Variants in FAM240B observed in about 807,000 individuals in gnomAD.
FAM240B encodes family with sequence similarity 240 member B, also known as protein FAM240B.
intron 1 of FAM240B, among the ~76,000 whole-genome samples, chr9:38,717,948 C>T (rs1034343187): frequency 1.3e-5 from 2 of 152,154 alleles, no homozygotes; most frequent in Non-Finnish European, 2.9e-5. Context: ...GCAACACTTC[C>T]CAAAGACACC....
intron 1 of FAM240B, among the ~76,000 whole-genome samples, chr9:38,709,835 ATTGATTTTTGT>A (rs1821231613): frequency 6.6e-6 from 1 of 152,202 alleles, no homozygotes. Flanking sequence ...TTGTTGTGCA[ATTGATTTTTGT>A]TTATAAACTC....
intron 1 of FAM240B, among the ~76,000 whole-genome samples, chr9:38,710,176 A>G (rs1453498583): frequency 2.6e-5 from 4 of 152,064 alleles, no homozygotes; most frequent in Non-Finnish European, 4.4e-5. Context: ...CACCACTTTG[A>G]CCAGGATGGT....
chr9:38,699,560 G>T lies in FAM240B; in HGVS notation c.143+4297C>A, dbSNP rs573722005. Among the ~76,000 whole-genome samples the T allele has an allele frequency of 3.9e-5, 6 of 152,344 alleles. No homozygotes were observed. In the South Asian group the frequency reaches 1.2e-3, roughly 32 times the overall value. On this transcript the variant is annotated intron_variant, in intron 2 of 2. Transcript: ENST00000637493. ...TGAGCTGGGCTGGTGGGGAGTCCCTGAGCAAATGCTGCCCACAGGGGAGCC... is the reference window on the plus strand; with the variant it reads ...TGAGCTGGGCTGGTGGGGAGTCCCTTAGCAAATGCTGCCCACAGGGGAGCC...
At chr9:38,706,806 A>C (rs1387098166) in intron 1 of FAM240B, among the ~76,000 whole-genome samples, 3 of 152,254 alleles carry the variant, frequency 2.0e-5, no homozygotes, top group Admixed American at 6.5e-5. Flanking sequence ...ATAATCATTC[A>C]GTGCACAGAA....
chr9:38,705,676 A>G (rs1821183149), intron 1 of FAM240B: 1 of 151,856 alleles, frequency 6.6e-6, no homozygotes, highest in East Asian at 1.9e-4. Context: ...TTTTATTTGT[A>G]TTACACTTAT....
chr9:38,700,578 T>C (rs1821114217), intron 2 of FAM240B, among the ~76,000 whole-genome samples: 1 of 152,212 alleles, frequency 6.6e-6, no homozygotes, highest in East Asian at 1.9e-4. Context: ...TAGTCAATGA[T>C]TATACCAAAC....
At chr9:38,705,057 C>T (rs549598771) in intron 1 of FAM240B, among the ~76,000 whole-genome samples, 1 of 152,352 alleles carries the variant, frequency 6.6e-6, no homozygotes, top group Admixed American at 6.5e-5. Context: ...TTTACCTTAA[C>T]GTGGCTCACT....
chr9:38,716,277 G>A (rs906109662), intron 1 of FAM240B, among the ~76,000 whole-genome samples: 8 of 152,122 alleles, frequency 5.3e-5, no homozygotes, highest in African/African-American at 1.9e-4. Context: ...TTCGAGACCA[G>A]CCTGGCCAAC....
At chr9:38,710,203 C>T (rs1365450279) in intron 1 of FAM240B, among the ~76,000 whole-genome samples, 9 of 152,164 alleles carry the variant, frequency 5.9e-5, no homozygotes, top group African/African-American at 1.2e-4. Flanking sequence ...CTCTTGACCT[C>T]GTGATCCGCC....
intron 1 of FAM240B, among the ~76,000 whole-genome samples, chr9:38,704,453 C>A (rs1177488652): frequency 2.0e-5 from 3 of 152,050 alleles, no homozygotes; most frequent in Non-Finnish European, 2.9e-5. Flanking sequence ...TTAAAATTTT[C>A]TTTTGACTCA....
At chr9:38,716,965 G>A (rs901114394) in intron 1 of FAM240B, among the ~76,000 whole-genome samples, 7 of 152,198 alleles carry the variant, frequency 4.6e-5, no homozygotes, top group African/African-American at 1.4e-4. Context: ...CACACTGTGT[G>A]CTTTCCATCA....
chr9:38,715,494 T>C (rs1024395313), intron 1 of FAM240B, among the ~76,000 whole-genome samples: 1 of 152,206 alleles, frequency 6.6e-6, no homozygotes, highest in Non-Finnish European at 1.5e-5. Context: ...CTGGTGTGTT[T>C]AGAAGGCTCT....
chr9:38,715,250 AC>A (rs949336348), intron 1 of FAM240B, among the ~76,000 whole-genome samples: 4 of 151,376 alleles, frequency 2.6e-5, no homozygotes, highest in South Asian at 4.2e-4. Context: ...GAGTTAGGAG[AC>A]CCCCCCACAC....
chr9:38,710,856 T>C (rs1722924536), intron 1 of FAM240B, among the ~76,000 whole-genome samples: 1 of 152,166 alleles, frequency 6.6e-6, no homozygotes, highest in African/African-American at 2.4e-5. Context: ...CGTCTTCTTA[T>C]CCTCATTTTA....
intron 1 of FAM240B, chr9:38,705,513 T>C (rs10758519): frequency 0.71 from 105,957 of 148,492 alleles, 37,697 homozygotes; most frequent in South Asian, 0.81. Context: ...GGCGTGAACC[T>C]GGGAGGCGGA....
intron 2 of FAM240B, among the ~76,000 whole-genome samples, chr9:38,701,156 C>T (rs929112068): frequency 1.3e-5 from 2 of 151,674 alleles, no homozygotes; most frequent in African/African-American, 4.8e-5. Flanking sequence ...CTGTGTGTTA[C>T]GTGTGTGTGT....
Position 38,713,497 on chromosome 9 carries a change from A to AAAG in FAM240B, c.-4+6524_-4+6525insCTT, listed in dbSNP as rs1409300886. Among the ~76,000 whole-genome samples, 5 of 150,992 alleles carry AAAG rather than the reference A, an allele frequency of 3.3e-5. No homozygotes were observed. The East Asian group carries it at 9.7e-4, about 29-fold the overall frequency. On this transcript the variant is annotated intron_variant, in intron 1 of 2. Transcript: ENST00000637493. ...CGTTTCAAACAAAAAAAAAAAAAAA[A>AAAG]AAAAAAAAGAACTAGATTTCATCAT...
At chr9:38,717,663 T>C (rs1587595616) in intron 1 of FAM240B, among the ~76,000 whole-genome samples, 1 of 151,682 alleles carries the variant, frequency 6.6e-6, no homozygotes, top group African/African-American at 2.4e-5. Flanking sequence ...TTGTATTTTT[T>C]AGTAGAGACG....
chr9:38,709,452 C>T (rs1156356565), intron 1 of FAM240B, among the ~76,000 whole-genome samples: 2 of 152,156 alleles, frequency 1.3e-5, no homozygotes, highest in Non-Finnish European at 2.9e-5. Flanking sequence ...ATTTCCCTGG[C>T]GGTATTGATG....
Sources: gnomAD v4.1 joint callset for allele counts (sites outside exome capture counted in the v4.1 genomes callset) on GRCh38, gnomAD v4.1.1 for gene constraint, MANE v1.5 for transcripts, NCBI Gene and HGNC (gene_info 2026-07-23, HGNC 2026-07-21) for gene names.